The following PTPN9 variants were observed in gnomAD, a reference collection of about 807,000 sequenced individuals.
PTPN9 encodes protein tyrosine phosphatase non-receptor type 9, also known as tyrosine-protein phosphatase non-receptor type 9.
A neutral mutation model predicts 69.8 loss-of-function variants in PTPN9; 26 were observed. The observed-to-expected ratio is 0.37, with a 90% CI of 0.27 to 0.52. PTPN9 has a LOEUF of 0.52. Among genes scored for constraint, PTPN9 ranks in the 20% least tolerant of loss-of-function variants. PTPN9 has a pLI of 0.91. For missense variants in PTPN9, 549 were observed against 740.3 expected (o/e 0.74, Z 3.00); for synonymous variants, 274 against 272.5 (o/e 1.01, Z -0.05).
intron 1 of PTPN9, among the ~76,000 whole-genome samples, chr15:75,548,319 G>A (rs1046361752): frequency 1.1e-4 from 16 of 150,560 alleles, no homozygotes; most frequent in Admixed American, 2.6e-4. Flanking sequence ...GCAATGGGAC[G>A]ATCTCGGCTC....
chr15:75,534,572 G>T (rs189057518), intron 1 of PTPN9, among the ~76,000 whole-genome samples: 371 of 152,112 alleles, frequency 2.4e-3, no homozygotes, highest in African/African-American at 8.5e-3. Context: ...CTACTCGGGG[G>T]GCTGAGGTGG....
intron 1 of PTPN9, among the ~76,000 whole-genome samples, chr15:75,552,088 C>CTTAACAATGGTACAAAAGTGATA (rs2075058769): frequency 6.6e-6 from 1 of 151,422 alleles, no homozygotes; most frequent in Non-Finnish European, 1.5e-5. Context: ...TTTGTTTTGA[C>CTTAACAATGGTACAAAAGTGATA]TTAACAATGG....
At chr15:75,490,081 TA>T in intron 8 of PTPN9, 126 bp downstream of exon 8, 1 of 768,010 alleles carries the variant, frequency 1.3e-6, no homozygotes, top group Non-Finnish European at 2.2e-6. Context: ...TAGCAAAATA[TA>T]AACTCAAACC....
intron 1 of PTPN9, 45 bp from the exon 2 acceptor site, chr15:75,527,306 AT>A: frequency 1.9e-6 from 3 of 1,599,674 alleles, no homozygotes; most frequent in Non-Finnish European, 2.6e-6. Flanking sequence ...AAGAGAGCAT[AT>A]TTATGGAGTC....
chr15:75,516,470 AT>A (rs1158957160), intron 5 of PTPN9, among the ~76,000 whole-genome samples: 396 of 139,802 alleles, frequency 2.8e-3, no homozygotes, highest in East Asian at 5.8e-3. Context: ...GGCCCGGCTA[AT>A]TTTTTTTTTT....
intron 1 of PTPN9, chr15:75,570,212 A>C (rs1382838392): frequency 2.0e-5 from 3 of 152,192 alleles, no homozygotes; most frequent in African/African-American, 4.8e-5. Context: ...AATAATGAAA[A>C]TAATAAGAGT....
chr15:75,572,439 G>C (rs1313607864), intron 1 of PTPN9, among the ~76,000 whole-genome samples: 1 of 152,136 alleles, frequency 6.6e-6, no homozygotes, highest in Non-Finnish European at 1.5e-5. Flanking sequence ...GCCAGGCATG[G>C]TGGCTCATGC....
intron 8 of PTPN9, among the ~76,000 whole-genome samples, chr15:75,482,059 G>A (rs893446449): frequency 6.7e-6 from 1 of 149,832 alleles, no homozygotes; most frequent in Non-Finnish European, 1.5e-5. Context: ...GATGGTTGCC[G>A]TGTCTGTGTA....
At chr15:75,516,402 C>G (rs1226804790) in intron 5 of PTPN9, among the ~76,000 whole-genome samples, 1 of 149,770 alleles carries the variant, frequency 6.7e-6, no homozygotes, top group African/African-American at 2.5e-5. Context: ...CTCCCGGATT[C>G]ACACCATTCT....
At chr15:75,505,512 G>C (rs2074814135) in intron 7 of PTPN9, among the ~76,000 whole-genome samples, 163 bp downstream of exon 7, 1 of 150,646 alleles carries the variant, frequency 6.6e-6, no homozygotes, top group Non-Finnish European at 1.5e-5. Context: ...AAAGCAGAAA[G>C]TACCTCTTTC....
Position 75,559,421 on chromosome 15 carries a change from T to C in PTPN9, c.63+19293A>G, listed in dbSNP as rs145340384. ...ACATGGGAGACTCCATTTTGTTCTGTGCTGGGAGGAATTCTTCTGCCTTGG... is the reference window on the plus strand; with the variant it reads ...ACATGGGAGACTCCATTTTGTTCTGCGCTGGGAGGAATTCTTCTGCCTTGG... On this transcript the variant is annotated intron_variant, in intron 1 of 12. Transcript: ENST00000618819. Among the ~76,000 whole-genome samples the C allele has an allele frequency of 8.4e-3, 1,286 of 152,310 alleles. 33 individuals carry two copies. In the East Asian group the frequency reaches 0.1, roughly 12 times the overall value.
At chr15:75,549,750 G>A (rs2075048876) in intron 1 of PTPN9, among the ~76,000 whole-genome samples, 2 of 152,138 alleles carry the variant, frequency 1.3e-5, no homozygotes, top group Non-Finnish European at 2.9e-5. Context: ...TGGGGCGGAA[G>A]GATTGCTTGA....
intron 8 of PTPN9, among the ~76,000 whole-genome samples, chr15:75,488,460 C>A (rs1038934055): frequency 6.6e-6 from 1 of 151,322 alleles, no homozygotes; most frequent in African/African-American, 2.4e-5. Flanking sequence ...TCATTCATCT[C>A]AAAATTCTAA....
At chr15:75,529,219 T>A (rs1292683819) in intron 1 of PTPN9, among the ~76,000 whole-genome samples, 1 of 151,906 alleles carries the variant, frequency 6.6e-6, no homozygotes, top group Non-Finnish European at 1.5e-5. Flanking sequence ...ACTCCTGACC[T>A]CATGATCCGT....
chr15:75,479,883 C>T lies in PTPN9; in HGVS notation c.1094G>A (p.Gly365Asp). The T allele has an allele frequency of 1.2e-6, 2 of 1,611,270 alleles. No homozygotes were observed. Among genetic ancestry groups the T allele is most frequent in the Non-Finnish European group, 1.7e-6 (2 of 1,178,718 alleles). Reference sequence around the variant, plus strand: ...AATGTAAGCATTCTTCTGCTTGTAGCCATCCATGAAACTGGCATTGATGTA... The same window carrying T: ...AATGTAAGCATTCTTCTGCTTGTAGTCATCCATGAAACTGGCATTGATGTA... ...TDYINASFMD[G>D]YKQKNAYIGT... Residue 365 changes from glycine (G) to aspartate (D), a missense_variant, in exon 9 of 13, where the codon GGC (glycine) becomes GAC (aspartate). Transcript: ENST00000618819.
Position 75,468,726 on chromosome 15 carries a change from G to C in PTPN9, c.*43C>G, listed in dbSNP as rs1224674540. The C allele has an allele frequency of 6.3e-7, 1 of 1,585,012 alleles. No homozygotes were observed. Among genetic ancestry groups the C allele is most frequent in the East Asian group, 2.2e-5 (1 of 44,694 alleles). ...TATAGGCTCAGCGGTGTCCAGGGTA[G>C]TTTAAGGAAGGCTGGCCAACAGGTA... is the stretch of plus-strand genomic sequence containing the variant. On this transcript the variant is annotated 3_prime_UTR_variant, in exon 13 of 13. Transcript: ENST00000618819.
chr15:75,498,771 G>C (rs11637586), intron 7 of PTPN9, among the ~76,000 whole-genome samples: 51,894 of 151,964 alleles, frequency 0.34, 9,978 homozygotes, highest in African/African-American at 0.51. Context: ...TTTTGGCTAA[G>C]ATCAAGTGTA....
rs184129890 is a variant in PTPN9 at position 75,562,658 on chromosome 15, C to A, written c.63+16056G>T. The stretch of plus-strand genomic sequence containing the variant: ...CATCCTGGCTAACACGGTGAAACCC[C>A]ATCTCTACTAAAAAATACAAAAAAT... On this transcript the variant is annotated intron_variant, in intron 1 of 12. Transcript: ENST00000618819. 2.7e-3 allele frequency among the ~76,000 whole-genome samples: 407 copies of A among 151,976 alleles called. 2 individuals are homozygous for A. Among genetic ancestry groups the A allele is most frequent in the African/African-American group, 9.3e-3 (386 of 41,496 alleles).
chr15:75,486,037 T>C (rs1172830565), intron 8 of PTPN9, among the ~76,000 whole-genome samples: 1 of 146,924 alleles, frequency 6.8e-6, no homozygotes, highest in Admixed American at 6.8e-5. Flanking sequence ...GAGGTGGAGG[T>C]TGCAGTGAGC....
Sources: gnomAD v4.1 joint callset for allele counts (sites outside exome capture counted in the v4.1 genomes callset) on GRCh38, gnomAD v4.1.1 for gene constraint, MANE v1.5 for transcripts, NCBI Gene and HGNC (gene_info 2026-07-23, HGNC 2026-07-21) for gene names.